KHDRBS2: variants seen among roughly 807,000 people sequenced by gnomAD.
KHDRBS2 encodes the protein KH RNA binding domain containing, signal transduction associated 2, also known as KH domain-containing, RNA-binding, signal transduction-associated protein 2.
KHDRBS2 carries 26 observed loss-of-function variants against 44.3 expected under a neutral mutation model. That is an observed-to-expected ratio of 0.59 (90% confidence interval 0.43 to 0.81). The LOEUF is 0.81. Among genes scored for constraint, KHDRBS2 ranks in the 40% least tolerant of loss-of-function variants. The pLI is 0.00. For missense variants in KHDRBS2, 476 were observed against 433.1 expected (o/e 1.10, Z -0.88); for synonymous variants, 194 against 151.1 (o/e 1.28, Z -2.08).
intron 4 of KHDRBS2, among the ~76,000 whole-genome samples, chr6:61,948,357 C>T (rs970434619): frequency 7.2e-5 from 11 of 151,938 alleles, no homozygotes; most frequent in Admixed American, 2.0e-4. Flanking sequence ...GCATTGAAAA[C>T]GATTTAAAAT....
intron 6 of KHDRBS2, among the ~76,000 whole-genome samples, chr6:61,872,705 T>G: frequency 6.6e-6 from 1 of 152,130 alleles, no homozygotes. Context: ...AATTCTATTT[T>G]TATGTGGGAA....
At chr6:62,234,009 G>T (rs111596202) in intron 1 of KHDRBS2, among the ~76,000 whole-genome samples, 255 of 151,998 alleles carry the variant, frequency 1.7e-3, no homozygotes, top group Admixed American at 2.9e-3. Context: ...CCCAGTAATG[G>T]GGTTGCTGTG....
intron 2 of KHDRBS2, among the ~76,000 whole-genome samples, chr6:62,091,069 C>T (rs185692245): frequency 1.3e-5 from 2 of 152,208 alleles, no homozygotes; most frequent in Admixed American, 6.5e-5. Context: ...TGTTGCTCTG[C>T]CATCTGGAAC....
chr6:61,577,916 A>G, the KHDRBS2 span, among the ~76,000 whole-genome samples: 5 of 152,218 alleles, frequency 3.3e-5, no homozygotes, highest in African/African-American at 1.2e-4. Flanking sequence ...TGATTTCACA[A>G]AAGTTAAACT....
chr6:62,213,234 T>C (rs1338277201), intron 1 of KHDRBS2, among the ~76,000 whole-genome samples: 1 of 152,118 alleles, frequency 6.6e-6, no homozygotes, highest in Non-Finnish European at 1.5e-5. Flanking sequence ...TTGCCTTTCA[T>C]TGAGATGATT....
chr6:62,011,892 G>A (rs912388525), intron 3 of KHDRBS2, among the ~76,000 whole-genome samples: 1 of 152,178 alleles, frequency 6.6e-6, no homozygotes, highest in African/African-American at 2.4e-5. Context: ...CAGGTTAAAG[G>A]TGTTAAAACT....
chr6:62,196,677 T>C (rs1224962129), intron 1 of KHDRBS2, among the ~76,000 whole-genome samples: 3 of 152,118 alleles, frequency 2.0e-5, no homozygotes. Context: ...ACTTAGATGT[T>C]CATTCACTAG....
chr6:62,192,442 T>G (rs915201210), intron 1 of KHDRBS2, among the ~76,000 whole-genome samples: 1 of 152,116 alleles, frequency 6.6e-6, no homozygotes, highest in Admixed American at 6.6e-5. Flanking sequence ...ATGAAAAGAC[T>G]TTTTTCCTGA....
At chr6:61,670,847 T>A in the KHDRBS2 span, among the ~76,000 whole-genome samples, 1 of 151,652 alleles carries the variant, frequency 6.6e-6, no homozygotes, top group African/African-American at 2.4e-5. Context: ...TTTCCTTTTA[T>A]AATTTCTGGT....
chr6:61,850,127 C>T (rs1434756791), intron 6 of KHDRBS2, among the ~76,000 whole-genome samples: 1 of 151,998 alleles, frequency 6.6e-6, no homozygotes, highest in East Asian at 1.9e-4. Context: ...CCTTTCAGAG[C>T]TTCAATCTCC....
chr6:61,573,060 C>T, the KHDRBS2 span, among the ~76,000 whole-genome samples: 50,856 of 151,878 alleles, frequency 0.33, 9,508 homozygotes, highest in East Asian at 0.49. Flanking sequence ...GATTGTGTAC[C>T]TAGAAAACCC....
chr6:61,892,465 C>G (rs960181611), intron 6 of KHDRBS2, among the ~76,000 whole-genome samples: 5 of 152,170 alleles, frequency 3.3e-5, no homozygotes, highest in Non-Finnish European at 7.3e-5. Flanking sequence ...GCCAAAAGAA[C>G]AAAGCTGGAT....
chr6:61,930,754 T>C (rs1440381042), intron 4 of KHDRBS2, among the ~76,000 whole-genome samples: 1 of 151,128 alleles, frequency 6.6e-6, no homozygotes, highest in African/African-American at 2.4e-5. Flanking sequence ...ATAAGTCAAA[T>C]GAAAATTAAT....
At chr6:61,965,780 A>ACTCT (rs1302815245) in intron 4 of KHDRBS2, among the ~76,000 whole-genome samples, 1 of 152,008 alleles carries the variant, frequency 6.6e-6, no homozygotes, top group Admixed American at 6.6e-5. Context: ...AGAGGAGAGT[A>ACTCT]GAGAGCAATG....
chr6:62,133,098 T>C (rs1048815170), intron 2 of KHDRBS2, among the ~76,000 whole-genome samples: 1 of 152,192 alleles, frequency 6.6e-6, no homozygotes, highest in Non-Finnish European at 1.5e-5. Context: ...GGATGACTGT[T>C]ATTAAAAAGA....
chr6:62,066,566 T>C (rs1441340702), intron 2 of KHDRBS2, among the ~76,000 whole-genome samples: 1 of 151,730 alleles, frequency 6.6e-6, no homozygotes, highest in African/African-American at 2.4e-5. Context: ...TCTTGTATGT[T>C]GTGCTTACAT....
At chr6:62,099,153 T>A (rs1801300765) in intron 2 of KHDRBS2, among the ~76,000 whole-genome samples, 1 of 152,180 alleles carries the variant, frequency 6.6e-6, no homozygotes, top group Non-Finnish European at 1.5e-5. Context: ...GGTACCTTAT[T>A]AGGTCTGTGG....
At chr6:61,701,423 T>A (rs1354355015) in intron 7 of KHDRBS2, among the ~76,000 whole-genome samples, 1 of 151,964 alleles carries the variant, frequency 6.6e-6, no homozygotes, top group Non-Finnish European at 1.5e-5. Flanking sequence ...TATACAGTGC[T>A]CAAAGATGTC....
At chr6:62,249,958 C>T (rs1279244999) in intron 1 of KHDRBS2, among the ~76,000 whole-genome samples, 1 of 151,978 alleles carries the variant, frequency 6.6e-6, no homozygotes, top group African/African-American at 2.4e-5. Context: ...CAATTTTATC[C>T]CCATGTTGTC....
Sources: allele counts gnomAD v4.1 joint callset (sites outside exome capture counted in the v4.1 genomes callset), GRCh38; gene constraint gnomAD v4.1.1; transcripts MANE v1.5; gene names NCBI Gene and HGNC (gene_info 2026-07-23, HGNC 2026-07-21).